FUT8: variants seen among roughly 807,000 people sequenced by gnomAD.
The protein encoded by FUT8 is fucosyltransferase 8.
A neutral mutation model predicts 71.3 loss-of-function variants in FUT8; 29 were observed. The observed-to-expected ratio is 0.41, with a 90% CI of 0.30 to 0.55. FUT8 has a LOEUF of 0.55. FUT8 is among the 20% of genes least tolerant of loss of function. The pLI, the probability that FUT8 is intolerant of heterozygous loss-of-function variation, is 0.34. For synonymous variants in FUT8, 254 were observed against 239.3 expected, an observed-to-expected ratio of 1.06 and a Z score of -0.57; for missense variants, 544 against 702.1, an observed-to-expected ratio of 0.77 and a Z score of 2.55.
chr14:65,580,498 T>C (rs1887033705), intron 3 of FUT8, among the ~76,000 whole-genome samples: 1 of 151,952 alleles, frequency 6.6e-6, no homozygotes, highest in African/African-American at 2.4e-5. Context: ...ATGTTATGTG[T>C]GCGTGTATAT....
the FUT8 span, among the ~76,000 whole-genome samples, chr14:65,373,531 A>G: frequency 1.3e-5 from 2 of 151,918 alleles, no homozygotes; most frequent in East Asian, 1.9e-4. Context: ...TTGTAACACC[A>G]CTAGACACTG....
intron 2 of FUT8, among the ~76,000 whole-genome samples, chr14:65,494,809 C>G (rs1055136547): frequency 4.0e-5 from 6 of 151,776 alleles, no homozygotes; most frequent in Non-Finnish European, 8.8e-5. Flanking sequence ...CTGAAGGGTT[C>G]CAGAATTCAG....
chr14:65,492,665 A>G (rs564294009), intron 2 of FUT8, among the ~76,000 whole-genome samples: 11 of 152,270 alleles, frequency 7.2e-5, no homozygotes, highest in South Asian at 6.2e-4. Flanking sequence ...TCTTTTATCA[A>G]GTACCTAATA....
chr14:65,478,349 G>A (rs2066279101), intron 2 of FUT8, among the ~76,000 whole-genome samples: 1 of 152,050 alleles, frequency 6.6e-6, no homozygotes, highest in South Asian at 2.1e-4. Flanking sequence ...ATCTGAAACC[G>A]ACGTGACACT....
chr14:65,409,156 T>C (rs1214135958), upstream of FUT8, among the ~76,000 whole-genome samples: 1 of 152,190 alleles, frequency 6.6e-6, no homozygotes, highest in Non-Finnish European at 1.5e-5. The surrounding 1 kb of genome is among the most constrained non-coding windows in gnomAD (Gnocchi z 5.4). Context: ...CCCTTCTTGC[T>C]CTTGGCAATA....
chr14:65,521,694 T>C (rs571687480), intron 2 of FUT8, among the ~76,000 whole-genome samples: 1 of 152,238 alleles, frequency 6.6e-6, no homozygotes, highest in Non-Finnish European at 1.5e-5. Flanking sequence ...GTCTTATATG[T>C]TAAAAAAATA....
Position 65,535,131 on chromosome 14 carries a change from G to A in FUT8, c.-227-26206G>A, listed in dbSNP as rs373129610. ...ATTTTATTTTTTTTGAGACAGTCTC[G>A]CTCTGTTGCCCAGGCTGGAATGCTA... On this transcript the variant is annotated intron_variant, in intron 2 of 10. Coordinates refer to ENST00000673929, the MANE Select transcript of FUT8 (RefSeq NM_001371533.1). 3.0e-3 allele frequency among the ~76,000 whole-genome samples: 448 copies of A among 149,470 alleles called. 2 individuals carry two copies. The highest frequency in any genetic ancestry group is 0.01 in the African/African-American group (409 of 40,520).
At chr14:65,701,117 CAT>C (rs750247472) in intron 7 of FUT8, among the ~76,000 whole-genome samples, 34 of 152,238 alleles carry the variant, frequency 2.2e-4, no homozygotes, top group South Asian at 6.2e-4. Context: ...TTTCTGAAAA[CAT>C]AAAATATTTG....
At position 65,601,150 on chromosome 14, in the gene FUT8, T is replaced by C. The variant is rs74058528; in HGVS notation, c.204-14828T>C. Among the ~76,000 whole-genome samples the C allele has an allele frequency of 7.8e-3, 1,190 of 152,290 alleles. 9 individuals carry two copies. Among genetic ancestry groups the C allele is most frequent in the African/African-American group, 0.024 (989 of 41,582 alleles). On this transcript the variant is annotated intron_variant, in intron 3 of 10. Coordinates refer to ENST00000673929, the MANE Select transcript of FUT8 (RefSeq NM_001371533.1). ...GGTTTGTGTGTGAGTCTGAAAGTTA[T>C]AGTAAATTTTGAAAATTATAAATAA...
the FUT8 span, among the ~76,000 whole-genome samples, chr14:65,383,730 G>A: frequency 1.1e-3 from 163 of 152,194 alleles, no homozygotes; most frequent in Non-Finnish European, 2.0e-3. Context: ...TTGTCTTTGC[G>A]TATACTATTC....
intron 2 of FUT8, among the ~76,000 whole-genome samples, chr14:65,518,997 C>A (rs1436125386): frequency 6.6e-6 from 1 of 152,108 alleles, no homozygotes; most frequent in Non-Finnish European, 1.5e-5. Context: ...ATGAGGTCTA[C>A]TATGTATCAG....
chr14:65,471,853 G>C (rs2066152156), intron 2 of FUT8, among the ~76,000 whole-genome samples: 1 of 150,958 alleles, frequency 6.6e-6, no homozygotes, highest in Non-Finnish European at 1.5e-5. Flanking sequence ...TGATGCTTTT[G>C]TAACTAGTCA....
intron 3 of FUT8, among the ~76,000 whole-genome samples, chr14:65,594,713 C>A (rs544733985): frequency 6.6e-6 from 1 of 152,140 alleles, no homozygotes; most frequent in East Asian, 1.9e-4. Flanking sequence ...AGAAAGGGAG[C>A]GGGAAGGGCA....
At chr14:65,473,315 G>GTC (rs1241836687) in intron 2 of FUT8, among the ~76,000 whole-genome samples, 2 of 151,990 alleles carry the variant, frequency 1.3e-5, no homozygotes, top group South Asian at 2.1e-4. Context: ...TCAGAAGTCT[G>GTC]TCTCTCTCTC....
chr14:65,429,516 A>G (rs12434854), intron 1 of FUT8, among the ~76,000 whole-genome samples: 18,796 of 152,178 alleles, frequency 0.12, 1,495 homozygotes, highest in East Asian at 0.38. Flanking sequence ...AATCAAAACT[A>G]TGTTTATTTT....
At chr14:65,629,627 A>G in intron 6 of FUT8, 21 bp downstream of exon 6, 10 of 1,524,872 alleles carry the variant, frequency 6.6e-6, no homozygotes, top group Non-Finnish European at 9.1e-6. Flanking sequence ...TGGGTTAAGA[A>G]TAAATTTGAG....
At chr14:65,407,802 G>T (rs113539766), upstream of FUT8, among the ~76,000 whole-genome samples, 11 of 152,198 alleles carry the variant, frequency 7.2e-5, no homozygotes, top group African/African-American at 2.7e-4. Context: ...ATCTGCAAGG[G>T]TTTTCTATCT....
rs1890979738 is a variant in FUT8 at position 65,643,725 on chromosome 14, T to G, written c.597+14119T>G. On this transcript the variant is annotated intron_variant, in intron 6 of 10. Coordinates refer to ENST00000673929, the MANE Select transcript of FUT8 (RefSeq NM_001371533.1). The surrounding 1 kb of genome is among the most constrained non-coding windows in gnomAD (Gnocchi z 4.5). ...ACACACACACACACACCAGATTCCA[T>G]TCTAGATGCTATTCCTTAACTCATT... Among the ~76,000 whole-genome samples, 1 of 134,442 alleles carries G rather than the reference T, an allele frequency of 7.4e-6. No individual in the cohort carries two copies. Among genetic ancestry groups the G allele is most frequent in the Non-Finnish European group, 1.6e-5 (1 of 63,032 alleles). The allele number at this position is 134,442 out of a possible 152,430, so 88.2% of individuals were successfully genotyped here.
the FUT8 span, among the ~76,000 whole-genome samples, chr14:65,373,460 C>T: frequency 6.6e-6 from 1 of 151,744 alleles, no homozygotes; most frequent in African/African-American, 2.4e-5. Flanking sequence ...CTGGGGCAGT[C>T]AGAGAGGAGA....
Sources: gnomAD v4.1 joint callset for allele counts (sites outside exome capture counted in the v4.1 genomes callset) on GRCh38, gnomAD v4.1.1 for gene constraint, Gnocchi (gnomAD v3.1) non-coding constraint, MANE v1.5 for transcripts, NCBI Gene and HGNC (gene_info 2026-07-23, HGNC 2026-07-21) for gene names.